CDC37L1: variants seen among roughly 807,000 people sequenced by gnomAD.
CDC37L1 encodes hsp90 co-chaperone Cdc37-like 1.
In CDC37L1, 32 loss-of-function variants were observed where a neutral mutation model predicts 45.9. The ratio of observed to expected loss-of-function variants is 0.70; its 90% CI spans 0.53 to 0.94. CDC37L1 has a LOEUF of 0.94. Ranked by LOEUF, CDC37L1 falls within the 40% of genes least tolerant of loss-of-function variation. The pLI is 0.00. For synonymous variants in CDC37L1, 150 were observed against 133.0 expected (o/e 1.13, Z -0.88); for missense variants, 434 against 405.7 (o/e 1.07, Z -0.60).
In CDC37L1 at chr9:4,685,157, A is replaced by G; in HGVS notation, c.413A>G (p.Lys138Arg). The change falls in exon 2 of 7, where the codon AAG becomes AGG. Residue 138 changes from lysine to arginine, a missense_variant and splice_region_variant. Coordinates refer to ENST00000381854, the MANE Select transcript of CDC37L1 (RefSeq NM_017913.4). ...TDAISKDVFN[K>R]SFINQDKRKD... is the part of the protein sequence containing the mutation. The stretch of plus-strand genomic sequence containing the variant: ...GCCATTAGCAAGGATGTTTTTAATA[A>G]GGTATGAGCTTTTACTGGGCCATAA... 6.2e-7 allele frequency: 1 copy of G among 1,610,806 alleles called. No individual in the cohort carries two copies. Among genetic ancestry groups the G allele is most frequent in the African/African-American group, 1.3e-5 (1 of 74,924 alleles).
At position 4,707,944 on chromosome 9, in the gene CDC37L1, T is replaced by A. The variant is rs905851519; in HGVS notation, c.*1832T>A. The A allele has an allele frequency of 6.6e-6, 1 of 152,252 alleles. No individual in the cohort carries two copies. The highest frequency in any genetic ancestry group is 1.5e-5 in the Non-Finnish European group (1 of 68,032). 9.4% of individuals were successfully genotyped at this position (152,252 alleles called of 1,614,324 possible). A position where few individuals can be genotyped will look rare whatever the true frequency, so the allele number is the denominator to read the frequency against. ...TTAGAGGTATTTAATGACTGAAGAC[T>A]GGCAGGAGAGAAAGTATCAACAAAC... is the stretch of plus-strand genomic sequence containing the variant. On this transcript the variant is annotated 3_prime_UTR_variant, in exon 7 of 7. Coordinates refer to ENST00000381854, the MANE Select transcript of CDC37L1 (RefSeq NM_017913.4).
At chr9:4,684,827 A>G in intron 1 of CDC37L1, 50 bp from the exon 2 acceptor site, 1 of 1,380,538 alleles carries the variant, frequency 7.2e-7, no homozygotes, top group Non-Finnish European at 1.0e-6. Flanking sequence ...ACTGTGCTGC[A>G]CAAACATCCA....
intron 2 of CDC37L1, among the ~76,000 whole-genome samples, chr9:4,686,332 C>A (rs1249171967): frequency 3.9e-5 from 6 of 152,170 alleles, no homozygotes; most frequent in African/African-American, 1.4e-4. Context: ...TGAGTCATAT[C>A]TTTCTCGACT....
intron 1 of CDC37L1, among the ~76,000 whole-genome samples, chr9:4,683,782 G>C (rs1472699104): frequency 6.6e-6 from 1 of 152,216 alleles, no homozygotes; most frequent in African/African-American, 2.4e-5. Flanking sequence ...TATGGGAACA[G>C]ATTGGAGAGA....
At chr9:4,689,994 T>G (rs1341597911) in intron 3 of CDC37L1, among the ~76,000 whole-genome samples, 1 of 152,250 alleles carries the variant, frequency 6.6e-6, no homozygotes, top group East Asian at 1.9e-4. Context: ...AGCAGTTCTT[T>G]CACTTTTGCT....
At chr9:4,705,891 T>C in intron 6 of CDC37L1, 120 bp from the exon 7 acceptor site, 1 of 428,354 alleles carries the variant, frequency 2.3e-6, no homozygotes, top group Non-Finnish European at 4.3e-6. Flanking sequence ...TCTTTCCTAC[T>C]GCTCTACTAC....
Position 4,706,082 on chromosome 9 carries a change from T to C in CDC37L1, c.984T>C (p.Asp328=). 1 of 1,597,874 alleles carries C rather than the reference T, an allele frequency of 6.3e-7. No individual in the cohort carries two copies. The highest frequency in any genetic ancestry group is 8.6e-7 in the Non-Finnish European group (1 of 1,165,460). The change falls in exon 7 of 7, where the codon GAT becomes GAC. Residue 328 remains aspartate (D), a synonymous_variant. Transcript: ENST00000381854. The stretch of plus-strand genomic sequence containing the variant: ...TAAACTCGGTGGTACATAAAGAAGA[T>C]GATGAACCCAAAATGATGGACACTG... ...CSLNSVVHKE[D]DEPKMMDTV
rs773430841 is a variant in CDC37L1 at position 4,705,994 on chromosome 9, C to T, written c.913-17C>T. ...CGTTCTTTTTCTCCCCCCAATCTAC[C>T]TTTTCTTTTTCCCCAGAATCCAGAT... On this transcript the variant is annotated splice_polypyrimidine_tract_variant and intron_variant, in intron 6 of 6. Transcript: ENST00000381854. 11 of 1,299,672 alleles carry T rather than the reference C, an allele frequency of 8.5e-6. No individual in the cohort carries two copies. The highest frequency in any genetic ancestry group is 1.0e-5 in the Non-Finnish European group (9 of 896,582). The allele number at this position is 1,299,672 out of a possible 1,614,324, so 80.5% of individuals were successfully genotyped here.
chr9:4,696,318 T>A (rs1052362208), intron 3 of CDC37L1, among the ~76,000 whole-genome samples: 10 of 152,146 alleles, frequency 6.6e-5, no homozygotes, highest in African/African-American at 2.4e-4. Flanking sequence ...TGCATGAGTC[T>A]AAGGAATCTA....
chr9:4,680,993 G>A (rs1262077221), intron 1 of CDC37L1, among the ~76,000 whole-genome samples: 1 of 152,064 alleles, frequency 6.6e-6, no homozygotes, highest in African/African-American at 2.4e-5. Flanking sequence ...TAAGTCACTG[G>A]GGAACTACAA....
chr9:4,687,645 C>T (rs1471431869), intron 2 of CDC37L1, among the ~76,000 whole-genome samples: 1 of 141,184 alleles, frequency 7.1e-6, no homozygotes, highest in Non-Finnish European at 1.5e-5. Flanking sequence ...TGCCACTGTA[C>T]TCCAGCCTGG....
Position 4,684,742 on chromosome 9 carries a change from A to T in CDC37L1, c.133-135A>T. On this transcript the variant is annotated intron_variant, in intron 1 of 6. Coordinates refer to ENST00000381854, the MANE Select transcript of CDC37L1 (RefSeq NM_017913.4). Reference sequence around the variant, plus strand: ...ACAAGGACTAAGATATAAAAACATGACTGCAGACCTAGAACACAGGATATA... The same window carrying T: ...ACAAGGACTAAGATATAAAAACATGTCTGCAGACCTAGAACACAGGATATA... The T allele has an allele frequency of 6.7e-6, 4 of 594,132 alleles. 1 individual carries two copies. In the South Asian group the frequency reaches 7.0e-5, roughly 10 times the overall value. 36.8% of individuals were successfully genotyped at this position (594,132 alleles called of 1,614,324 possible).
chr9:4,685,087 G>A lies in CDC37L1; in HGVS notation c.343G>A (p.Glu115Lys). Residue 115 changes from glutamate to lysine, a missense_variant, in exon 2 of 7, where the codon GAA becomes AAA. Coordinates refer to ENST00000381854, the MANE Select transcript of CDC37L1 (RefSeq NM_017913.4). ...GGAAGAAGAGTGGCGACAGAAAGAA[G>A]AAGCTCTAGTACAAAGAGAGAAGAT... ...QREEEWRQKE[E>K]ALVQREKMCL... 4 of 1,613,910 alleles carry A rather than the reference G, an allele frequency of 2.5e-6. No individual in the cohort carries two copies. Among genetic ancestry groups the A allele is most frequent in the Non-Finnish European group, 3.4e-6 (4 of 1,179,782 alleles).
intron 5 of CDC37L1, 150 bp from the exon 6 acceptor site, chr9:4,701,714 A>G (rs776415935): frequency 2.6e-5 from 13 of 508,004 alleles, no homozygotes; most frequent in Non-Finnish European, 4.1e-5. Flanking sequence ...GTTTTCACAA[A>G]TGTGACAGGG....
At chr9:4,690,120 G>T (rs1195680219) in intron 3 of CDC37L1, among the ~76,000 whole-genome samples, 1 of 152,188 alleles carries the variant, frequency 6.6e-6, no homozygotes, top group Non-Finnish European at 1.5e-5. Flanking sequence ...ACCTGCTTCT[G>T]GGTAGTGATG....
intron 3 of CDC37L1, among the ~76,000 whole-genome samples, chr9:4,691,285 T>C (rs1453748028): frequency 1.3e-5 from 2 of 152,230 alleles, no homozygotes; most frequent in African/African-American, 4.8e-5. Flanking sequence ...CACCCAGGTA[T>C]TAAGCCTAGT....
intron 3 of CDC37L1, among the ~76,000 whole-genome samples, chr9:4,696,379 C>A (rs1841348384): frequency 1.3e-5 from 2 of 152,134 alleles, no homozygotes; most frequent in South Asian, 4.1e-4. Context: ...CACAGTGGCT[C>A]ATGCCCATAA....
intron 3 of CDC37L1, among the ~76,000 whole-genome samples, chr9:4,692,337 T>TCAG (rs1387915665): frequency 6.6e-6 from 1 of 151,896 alleles, no homozygotes; most frequent in East Asian, 1.9e-4. Flanking sequence ...TGGTGTGATC[T>TCAG]CAGCTCACTG....
intron 3 of CDC37L1, among the ~76,000 whole-genome samples, chr9:4,695,353 TAAG>T (rs1841338131): frequency 6.6e-6 from 1 of 152,198 alleles, no homozygotes; most frequent in South Asian, 2.1e-4. Context: ...TCTTATACTT[TAAG>T]AAGTAGTTTT....
Sources: allele counts gnomAD v4.1 joint callset (sites outside exome capture counted in the v4.1 genomes callset), GRCh38; gene constraint gnomAD v4.1.1; transcripts MANE v1.5; gene names NCBI Gene and HGNC (gene_info 2026-07-23, HGNC 2026-07-21).